The following EXOC4 variants were observed in gnomAD, a reference collection of about 807,000 sequenced individuals.
EXOC4 encodes the protein exocyst complex component 4.
A neutral mutation model predicts 107.2 loss-of-function variants in EXOC4; 71 were observed. That is an observed-to-expected ratio of 0.66 (90% CI 0.55 to 0.81). The LOEUF is 0.81. EXOC4 is among the 30% of genes least tolerant of loss of function. The pLI is 0.00. For missense variants in EXOC4, 1,108 were observed against 1,189.6 expected, an observed-to-expected ratio of 0.93 and a Z score of 1.01; for synonymous variants, 456 against 441.2, an observed-to-expected ratio of 1.03 and a Z score of -0.42.
intron 14 of EXOC4, among the ~76,000 whole-genome samples, chr7:133,996,005 G>C (rs557074802): frequency 1.3e-5 from 2 of 152,264 alleles, no homozygotes; most frequent in Admixed American, 6.5e-5. Context: ...CTTTGAAAAA[G>C]AGAAGGATGT....
intron 15 of EXOC4, among the ~76,000 whole-genome samples, chr7:134,002,213 G>A (rs1380406245): frequency 1.3e-5 from 2 of 152,162 alleles, no homozygotes; most frequent in African/African-American, 2.4e-5. Flanking sequence ...TAGTTAATTA[G>A]CAACTGTTAA....
intron 10 of EXOC4, among the ~76,000 whole-genome samples, chr7:133,682,582 C>T (rs1794211408): frequency 6.6e-6 from 1 of 152,156 alleles, no homozygotes; most frequent in African/African-American, 2.4e-5. Flanking sequence ...CTAATACACC[C>T]CATGTCTGGA....
chr7:133,556,334 A>T (rs1563106764), intron 9 of EXOC4, among the ~76,000 whole-genome samples: 1 of 152,134 alleles, frequency 6.6e-6, no homozygotes, highest in Non-Finnish European at 1.5e-5. Context: ...TCCTAAATGG[A>T]ATTTCCATAC....
In EXOC4 at chr7:133,475,365, G is replaced by A. The variant is rs200535304; in HGVS notation, c.1220G>A (p.Arg407His). Residue 407 changes from arginine (R) to histidine (H), a missense_variant, in exon 8 of 18, where the codon CGT becomes CAT. Arg to His is a conservative substitution (Grantham distance 29). Coordinates refer to ENST00000253861, the MANE Select transcript of EXOC4 (RefSeq NM_021807.4). ...LTEYLDMKNT[R>H]TASEPSAQLS... The stretch of plus-strand genomic sequence containing the variant: ...GAGTACTTGGATATGAAAAATACTC[G>A]TACGGCCTCTGAACCATCAGCTCAA... 343 of 1,613,646 alleles carry A rather than the reference G, an allele frequency of 2.1e-4. No individual in the cohort carries two copies. The highest frequency in any genetic ancestry group is 2.7e-4 in the Non-Finnish European group (316 of 1,179,638).
At chr7:134,062,664 C>T (rs1796092349) in intron 17 of EXOC4, among the ~76,000 whole-genome samples, 1 of 152,078 alleles carries the variant, frequency 6.6e-6, no homozygotes, top group Non-Finnish European at 1.5e-5. Context: ...TGCTGACAAG[C>T]TGTGATAAGC....
At chr7:133,978,809 C>G (rs1359330708) in intron 14 of EXOC4, among the ~76,000 whole-genome samples, 1 of 152,182 alleles carries the variant, frequency 6.6e-6, no homozygotes, top group Non-Finnish European at 1.5e-5. Flanking sequence ...ATCCTGCCTT[C>G]CCTTTCTTTT....
chr7:133,538,546 C>A (rs1800317158), intron 9 of EXOC4, among the ~76,000 whole-genome samples: 2 of 152,084 alleles, frequency 1.3e-5, no homozygotes, highest in African/African-American at 2.4e-5. Context: ...AAAGGAGTGG[C>A]AGCTCATGCC....
At chr7:133,518,840 A>C (rs959868316) in intron 9 of EXOC4, among the ~76,000 whole-genome samples, 1 of 152,144 alleles carries the variant, frequency 6.6e-6, no homozygotes, top group Non-Finnish European at 1.5e-5. Flanking sequence ...GAGGGGAATA[A>C]GGGAATGGAG....
intron 9 of EXOC4, among the ~76,000 whole-genome samples, chr7:133,610,845 T>A (rs1039243412): frequency 2.0e-5 from 3 of 151,060 alleles, no homozygotes; most frequent in African/African-American, 7.3e-5. Context: ...AGGATCTCAC[T>A]CTGTCACCCA....
At chr7:133,594,287 A>G (rs1484012955) in intron 9 of EXOC4, among the ~76,000 whole-genome samples, 1 of 152,162 alleles carries the variant, frequency 6.6e-6, no homozygotes, top group East Asian at 1.9e-4. Flanking sequence ...TGAGAGATAG[A>G]GTAAAAAAAG....
At chr7:134,059,734 A>G (rs1273861496) in intron 17 of EXOC4, among the ~76,000 whole-genome samples, 1 of 152,336 alleles carries the variant, frequency 6.6e-6, no homozygotes, top group East Asian at 1.9e-4. Flanking sequence ...AACTATAAGA[A>G]AGAAATTGGC....
At chr7:133,394,532 G>A (rs1796928044) in intron 7 of EXOC4, among the ~76,000 whole-genome samples, 1 of 152,172 alleles carries the variant, frequency 6.6e-6, no homozygotes, top group Admixed American at 6.5e-5. Context: ...AGTGAGTGAT[G>A]TGAAGGTGTT....
At chr7:133,272,609 G>A (rs1793898942) in intron 1 of EXOC4, among the ~76,000 whole-genome samples, 1 of 151,540 alleles carries the variant, frequency 6.6e-6, no homozygotes, top group African/African-American at 2.4e-5. Flanking sequence ...AAGCTTTAAT[G>A]GTTTTGCACT....
At chr7:133,717,690 C>T (rs1313372993) in intron 10 of EXOC4, among the ~76,000 whole-genome samples, 1 of 152,166 alleles carries the variant, frequency 6.6e-6, no homozygotes, top group African/African-American at 2.4e-5. Context: ...CATACACACA[C>T]AACAAGCAAA....
intron 17 of EXOC4, among the ~76,000 whole-genome samples, chr7:134,031,546 C>T (rs541600258): frequency 7.7e-4 from 117 of 152,178 alleles, no homozygotes; most frequent in African/African-American, 2.7e-3. Flanking sequence ...CTAACTAGGA[C>T]TAAGGAGCTT....
intron 7 of EXOC4, 36 bp from the exon 8 acceptor site, chr7:133,475,292 G>A (rs1442690088): frequency 6.5e-7 from 1 of 1,527,596 alleles, no homozygotes; most frequent in Non-Finnish European, 9.0e-7. Context: ...TTAAAAATGT[G>A]TATATTAACA....
chr7:133,781,471 C>T (rs2160744), intron 10 of EXOC4, among the ~76,000 whole-genome samples: 127,080 of 152,272 alleles, frequency 0.83, 53,501 homozygotes, highest in East Asian at 0.99. Context: ...AGTTGTGTTT[C>T]CTTGAAGATA....
chr7:133,693,641 A>G (rs775238581), intron 10 of EXOC4, among the ~76,000 whole-genome samples: 1 of 152,194 alleles, frequency 6.6e-6, no homozygotes, highest in Non-Finnish European at 1.5e-5. Flanking sequence ...CACTCTCTTG[A>G]TAATCACATG....
chr7:133,259,633 T>TTC (rs1795097657), intron 1 of EXOC4, among the ~76,000 whole-genome samples: 2 of 152,216 alleles, frequency 1.3e-5, no homozygotes, highest in East Asian at 3.9e-4. Flanking sequence ...TCATGATAAA[T>TTC]AATTCAAACA....
Sources: gnomAD v4.1 joint callset for allele counts (sites outside exome capture counted in the v4.1 genomes callset) on GRCh38, gnomAD v4.1.1 for gene constraint, MANE v1.5 for transcripts, NCBI Gene and HGNC (gene_info 2026-07-23, HGNC 2026-07-21) for gene names.